The following TRIML1 variants were observed in gnomAD, a reference collection of about 807,000 sequenced individuals.
TRIML1 encodes the protein tripartite motif family like 1.
TRIML1 carries 34 observed loss-of-function variants against 32.3 expected under a neutral mutation model. The ratio of observed to expected loss-of-function variants is 1.05; its 90% CI spans 0.80 to 1.40. The LOEUF (loss-of-function observed/expected upper bound fraction) is 1.40, where lower values mean the gene tolerates loss of function less well. Among genes scored for constraint, TRIML1 ranks in the 40% most tolerant of loss-of-function variants. The pLI is 0.00. For missense variants in TRIML1, 595 were observed against 574.9 expected (o/e 1.03, Z -0.36); for synonymous variants, 244 against 226.6 (o/e 1.08, Z -0.69).
At chr4:188,145,817 G>A (rs1735057140) in intron 5 of TRIML1, among the ~76,000 whole-genome samples, 1 of 151,792 alleles carries the variant, frequency 6.6e-6, no homozygotes, top group South Asian at 2.1e-4. Flanking sequence ...ACTGTCTCAG[G>A]AAAAAAATAA....
chr4:188,150,441 A>G (rs1735223318), downstream of TRIML1, among the ~76,000 whole-genome samples: 1 of 152,204 alleles, frequency 6.6e-6, no homozygotes, highest in Admixed American at 6.5e-5. Flanking sequence ...CACTTATTAG[A>G]CAGATTTTAT....
At chr4:188,149,014 C>T (rs891298887), downstream of TRIML1, among the ~76,000 whole-genome samples, 9 of 147,538 alleles carry the variant, frequency 6.1e-5, no homozygotes, top group Admixed American at 3.5e-4. Flanking sequence ...CCTGGGTTCA[C>T]GCCATTCTCC....
chr4:188,139,453 T>C lies in TRIML1; in HGVS notation c.-106T>C. On this transcript the variant is annotated 5_prime_UTR_variant, in exon 1 of 6. Coordinates refer to ENST00000332517, the MANE Select transcript of TRIML1 (RefSeq NM_178556.5). ...ATAAGGGTTTCTTGTCATAACAACA[T>C]AGGAACAGGTCACCCGCGTGTTACT... 8.8e-7 allele frequency: 1 copy of C among 1,136,552 alleles called. No homozygotes were observed. Among genetic ancestry groups the C allele is most frequent in the Non-Finnish European group, 1.3e-6 (1 of 799,608 alleles). 70.4% of individuals were successfully genotyped at this position (1,136,552 alleles called of 1,614,324 possible). A position where few individuals can be genotyped will look rare whatever the true frequency, so the allele number is the denominator to read the frequency against.
At chr4:188,149,430 G>C (rs1208342556), downstream of TRIML1, among the ~76,000 whole-genome samples, 1 of 152,122 alleles carries the variant, frequency 6.6e-6, no homozygotes, top group Admixed American at 6.6e-5. Flanking sequence ...GTAAATTGGA[G>C]ACTCGGTTGG....
At chr4:188,143,792 T>TA in intron 3 of TRIML1, 46 bp from the exon 4 acceptor site, 1 of 1,612,954 alleles carries the variant, frequency 6.2e-7, no homozygotes, top group African/African-American at 1.3e-5. Context: ...TCGTCTGTGT[T>TA]ATGATCAAAG....
At chr4:188,144,452 T>G (rs1227918467) in intron 5 of TRIML1, among the ~76,000 whole-genome samples, 1 of 145,284 alleles carries the variant, frequency 6.9e-6, no homozygotes. Context: ...AAGCTCCGCT[T>G]CCCGGGTTCA....
In TRIML1 at chr4:188,139,626, T is replaced by C; in HGVS notation, c.68T>C (p.Phe23Ser). Residue 23 changes from phenylalanine (F) to serine (S), a missense_variant, in exon 1 of 6, where the codon TTC becomes TCC. Coordinates refer to ENST00000332517, the MANE Select transcript of TRIML1 (RefSeq NM_178556.5). The part of the protein sequence containing the change: ...ELTCFICLDY[F>S]SSPVTTECGH... ...ACCTGTTTCATCTGCTTAGACTATT[T>C]CAGCAGCCCAGTGACCACCGAGTGT... is the stretch of plus-strand genomic sequence containing the variant. The C allele has an allele frequency of 6.2e-7, 1 of 1,613,934 alleles. No individual in the cohort carries two copies. The highest frequency in any genetic ancestry group is 2.2e-5 in the East Asian group (1 of 44,874).
Position 188,147,374 on chromosome 4 carries a change from G to A in TRIML1, c.*2G>A. On this transcript the variant is annotated 3_prime_UTR_variant, in exon 6 of 6. Coordinates refer to ENST00000332517, the MANE Select transcript of TRIML1 (RefSeq NM_178556.5). ...TGCTCACTGAACAGCCACGTCTGAG[G>A]GGCGTGCCCTGAGCCGTCACAGCGG... 2 of 1,482,860 alleles carry A rather than the reference G, an allele frequency of 1.3e-6. No homozygotes were observed. The highest frequency in any genetic ancestry group is 1.9e-4 in the Middle Eastern group (1 of 5,274). 91.9% of individuals were successfully genotyped at this position (1,482,860 alleles called of 1,614,324 possible).
In TRIML1 at chr4:188,144,507, CG is replaced by C. The variant is rs1406674826; in HGVS notation, c.856+375del. ...CCTCCCGAGTAGCTGGGACTACAGG[CG>C]CCCGCCACCACGCCTGGGTAATTTT... On this transcript the variant is annotated intron_variant, in intron 5 of 5. Coordinates refer to ENST00000332517, the MANE Select transcript of TRIML1 (RefSeq NM_178556.5). Among the ~76,000 whole-genome samples the C allele has an allele frequency of 7.6e-5, 11 of 144,004 alleles. 1 individual carries two copies. In the South Asian group the frequency reaches 1.9e-3, roughly 25 times the overall value. The allele number at this position is 144,004 out of a possible 152,430, so 94.5% of individuals were successfully genotyped here.
At position 188,146,863 on chromosome 4, in the gene TRIML1, G is replaced by T. The variant is rs200016892; in HGVS notation, c.898G>T (p.Val300Leu). 2.1e-6 allele frequency: 3 copies of T among 1,438,800 alleles called. No individual in the cohort carries two copies. The highest frequency in any genetic ancestry group is 1.4e-5 in the African/African-American group (1 of 69,832). The allele number at this position is 1,438,800 out of a possible 1,614,324, so 89.1% of individuals were successfully genotyped here. A position where few individuals can be genotyped will look rare whatever the true frequency, so the allele number is the denominator to read the frequency against. The part of the protein sequence containing the change: ...LDPATANAYL[V>L]LSEDLKSVKY... ...CCCAGCCACAGCTAATGCCTATCTC[G>T]TGTTGTCGGAGGATCTGAAGAGTGT... The change falls in exon 6 of 6, where the codon GTG becomes TTG. Residue 300 changes from valine to leucine, a missense_variant. By Grantham distance (32) the Val-to-Leu change is conservative. Coordinates refer to ENST00000332517, the MANE Select transcript of TRIML1 (RefSeq NM_178556.5).
chr4:188,144,449 G>A (rs1272272744), intron 5 of TRIML1, among the ~76,000 whole-genome samples: 8 of 146,012 alleles, frequency 5.5e-5, no homozygotes, highest in Non-Finnish European at 9.0e-5. Context: ...TGCAAGCTCC[G>A]CTTCCCGGGT....
Position 188,147,539 on chromosome 4 carries a change from A to G in TRIML1, c.*167A>G, listed in dbSNP as rs1735136038. The G allele has an allele frequency of 2.2e-6, 1 of 456,452 alleles. No individual in the cohort carries two copies. Among genetic ancestry groups the G allele is most frequent in the South Asian group, 9.6e-5 (1 of 10,376 alleles). 28.3% of individuals were successfully genotyped at this position (456,452 alleles called of 1,614,324 possible). On this transcript the variant is annotated 3_prime_UTR_variant, in exon 6 of 6. Coordinates refer to ENST00000332517, the MANE Select transcript of TRIML1 (RefSeq NM_178556.5). ...TAACTTGATCCCATTATGAACAGCC[A>G]CATTACACAATCAACTTCAACCCCA...
chr4:188,140,694 AT>A, intron 2 of TRIML1, 71 bp downstream of exon 2: 2 of 1,132,426 alleles, frequency 1.8e-6, no homozygotes, highest in African/African-American at 3.3e-5. Context: ...ATTTAGTGAA[AT>A]ATCAGGAAAA....
intron 5 of TRIML1, among the ~76,000 whole-genome samples, chr4:188,145,494 T>C (rs112005876): frequency 7.4e-6 from 1 of 134,236 alleles, no homozygotes. Context: ...ATGGAATGAC[T>C]GGGGTACCTG....
chr4:188,143,849 AGCCCT>A lies in TRIML1; in HGVS notation c.749_753del (p.Ala250GlyfsTer45). 6.2e-7 allele frequency: 1 copy of A among 1,614,192 alleles called. No individual in the cohort carries two copies. The highest frequency in any genetic ancestry group is 1.1e-5 in the South Asian group (1 of 91,082). ...TTTTTTACCCGTAGGAAGTGAGAGG[AGCCCT>A]GGAAAGGTAGGCTTTCATTCTGTGT... is the stretch of plus-strand genomic sequence containing the variant. On this transcript the variant is annotated frameshift_variant, in exon 4 of 6. Coordinates refer to ENST00000332517, the MANE Select transcript of TRIML1 (RefSeq NM_178556.5). LOFTEE classifies it high-confidence loss of function.
Position 188,139,564 on chromosome 4 carries a change from T to C in TRIML1, c.6T>C (p.Ser2=), listed in dbSNP as rs781542747. The stretch of plus-strand genomic sequence containing the variant: ...GCATATCCAGCCTCGAGAAAATGTC[T>C]ACAGCAGATCTGATGGAGAACCTCA... M[S]TADLMENLRE... The change falls in exon 1 of 6, where the codon TCT becomes TCC. Residue 2 remains serine (S), a synonymous_variant. Coordinates refer to ENST00000332517, the MANE Select transcript of TRIML1 (RefSeq NM_178556.5). The C allele has an allele frequency of 3.2e-6, 5 of 1,579,668 alleles. No individual in the cohort carries two copies. The highest frequency in any genetic ancestry group is 4.3e-6 in the Non-Finnish European group (5 of 1,160,398).
chr4:188,139,429 T>G, upstream of TRIML1: 2 of 875,062 alleles, frequency 2.3e-6, no homozygotes, highest in Non-Finnish European at 3.5e-6. Flanking sequence ...ACAGAAGAGA[T>G]AAGGGTTTCT....
chr4:188,146,797 A>T, intron 5 of TRIML1, 25 bp from the exon 6 acceptor site: 1 of 1,348,312 alleles, frequency 7.4e-7, no homozygotes. Flanking sequence ...GCCCAAGGGA[A>T]ATCTCTTCTT....
intron 1 of TRIML1, 72 bp downstream of exon 1, chr4:188,140,038 A>G (rs944330771): frequency 6.7e-7 from 1 of 1,495,214 alleles, no homozygotes; most frequent in Non-Finnish European, 9.0e-7. Flanking sequence ...GACGTTTCCT[A>G]ACGTCCTCTG....
Sources: gnomAD v4.1 joint callset for allele counts (sites outside exome capture counted in the v4.1 genomes callset) on GRCh38, gnomAD v4.1.1 for gene constraint, MANE v1.5 for transcripts, NCBI Gene and HGNC (gene_info 2026-07-23, HGNC 2026-07-21) for gene names.